The following PHF8 variants were observed in gnomAD, a reference collection of about 807,000 sequenced individuals.
The protein encoded by PHF8 is histone lysine demethylase PHF8.
PHF8 carries 9 observed loss-of-function variants against 74.4 expected under a neutral mutation model. The observed-to-expected ratio is 0.12, with a 90% CI of 0.07 to 0.21. The LOEUF is 0.21. Ranked by LOEUF, PHF8 falls within the 10% of genes least tolerant of loss-of-function variation. The pLI is 1.00. For synonymous variants in PHF8, 311 were observed against 316.6 expected (o/e 0.98, Z 0.19); for missense variants, 478 against 816.6 (o/e 0.59, Z 5.05).
chrX:53,966,492 CG>C lies in PHF8; in HGVS notation c.2444-3554del, dbSNP rs2065189767. Among the ~76,000 whole-genome samples, 5 of 112,904 alleles carry C rather than the reference CG, an allele frequency of 4.4e-5. No homozygotes were observed. The South Asian group carries it at 1.8e-3, about 41-fold the overall frequency. ...CGAGTGATCCGCCAGCCTCGGCCTC[CG>C]GAGGTGCCAGGATTGCAGACGGTGT... On this transcript the variant is annotated intron_variant, in intron 18 of 21. Coordinates refer to ENST00000338154, the MANE Select transcript of PHF8 (RefSeq NM_015107.3).
Position 53,940,179 on chromosome X carries a change from C to G in PHF8, c.2986+1G>C. ...GTTCTACAACCATATGGCCGTTGTACCTTGTCCTGCCTGATTGCTCTGGGA... is the reference window on the plus strand; with the variant it reads ...GTTCTACAACCATATGGCCGTTGTAGCTTGTCCTGCCTGATTGCTCTGGGA... On this transcript the variant is annotated splice_donor_variant, in intron 21 of 21. Transcript: ENST00000338154. LOFTEE classifies it high-confidence loss of function. The G allele has an allele frequency of 8.6e-7, 1 of 1,168,700 alleles. No individual in the cohort carries two copies. Among genetic ancestry groups the G allele is most frequent in the Non-Finnish European group, 1.1e-6 (1 of 870,494 alleles).
chrX:53,991,231 ATTAT>A (rs1310417028), intron 14 of PHF8, among the ~76,000 whole-genome samples: 3 of 112,503 alleles, frequency 2.7e-5, no homozygotes, highest in East Asian at 2.8e-4. Context: ...TTCTTTTAAA[ATTAT>A]TTAAAGAAAA....
At chrX:54,037,355 C>T (rs2066481707) in intron 2 of PHF8, among the ~76,000 whole-genome samples, 2 of 111,516 alleles carry the variant, frequency 1.8e-5, no homozygotes, top group Non-Finnish European at 3.8e-5. Flanking sequence ...TCAAGCAATC[C>T]TCCCACCTCA....
Position 54,014,471 on chromosome X carries a change from T to C in PHF8, c.689A>G (p.Asn230Ser), listed in dbSNP as rs1557107466. Residue 230 changes from asparagine to serine, a missense_variant, in exon 7 of 22, where the codon AAT becomes AGT. By Grantham distance (46) the Asn-to-Ser change is conservative. This residue lies in a region of PHF8 where 70 missense variants were observed against 234.1 expected (regional missense o/e 0.30). Coordinates refer to ENST00000338154, the MANE Select transcript of PHF8 (RefSeq NM_015107.3). ...WPEECVFERP[N>S]VQKYCLMSVR... ...ACTCATGAGGCAGTACTTCTGTACA[T>C]TGGGTCTCTCAAAGACACATTCCTC... 8.3e-6 allele frequency: 10 copies of C among 1,200,836 alleles called. No homozygotes were observed. Among genetic ancestry groups the C allele is most frequent in the African/African-American group, 3.5e-5 (2 of 56,758 alleles).
chrX:53,952,228 G>A lies in PHF8; in HGVS notation c.2540-7985C>T, dbSNP rs139198023. Among the ~76,000 whole-genome samples, 465 of 107,334 alleles carry A rather than the reference G, an allele frequency of 4.3e-3. 2 individuals are homozygous for A. Among genetic ancestry groups the A allele is most frequent in the Middle Eastern group, 0.029 (6 of 207 alleles). 93.2% of individuals were successfully genotyped at this position (107,334 alleles called of 115,157 possible). A position where few individuals can be genotyped will look rare whatever the true frequency, so the allele number is the denominator to read the frequency against. ...GAACCCGGGAGGCAGAGGTTATAAT[G>A]AGCTGAAATCATGCCATTGCACTCC... On this transcript the variant is annotated intron_variant, in intron 19 of 21. Transcript: ENST00000338154.
rs2064709782 is a variant in PHF8 at position 53,939,063 on chromosome X, C to T, written c.*95G>A. The T allele has an allele frequency of 8.6e-7, 1 of 1,158,171 alleles. No homozygotes were observed. The highest frequency in any genetic ancestry group is 1.8e-5 in the African/African-American group (1 of 55,732). On this transcript the variant is annotated 3_prime_UTR_variant, in exon 22 of 22. Transcript: ENST00000338154. ...AAAGCAGGACAATGCACCTCAGCAC[C>T]TTGTCCAGGGCAGATAGGATCCAGG... is the stretch of plus-strand genomic sequence containing the variant.
At chrX:54,046,955 C>T (rs1332296155), upstream of PHF8, among the ~76,000 whole-genome samples, 2 of 112,427 alleles carry the variant, frequency 1.8e-5, no homozygotes, top group African/African-American at 6.5e-5. Flanking sequence ...GCTCCAACAC[C>T]ACCTAATGCA....
chrX:53,969,995 A>C (rs1557094113), intron 18 of PHF8, among the ~76,000 whole-genome samples: 1 of 112,521 alleles, frequency 8.9e-6, no homozygotes, highest in African/African-American at 3.2e-5. Flanking sequence ...TAAAAGACTT[A>C]AATGTAAGAC....
At chrX:53,996,467 G>A (rs1464662893) in intron 11 of PHF8, among the ~76,000 whole-genome samples, 1 of 106,522 alleles carries the variant, frequency 9.4e-6, no homozygotes, top group Admixed American at 1.0e-4. Flanking sequence ...CTATCGTTAC[G>A]TATGGCCCAA....
In PHF8 at chrX:54,016,578, A is replaced by G. The variant is rs782208423; in HGVS notation, c.596+17T>C. 1.7e-6 allele frequency: 2 copies of G among 1,195,654 alleles called. No homozygotes were observed. On this transcript the variant is annotated intron_variant, in intron 6 of 21. Transcript: ENST00000338154. ...AGGCACTTTGTCAGGTTTTTTTGTTATTCCTGCACCTCTTACCTGGTATCA... is the reference window on the plus strand; with the variant it reads ...AGGCACTTTGTCAGGTTTTTTTGTTGTTCCTGCACCTCTTACCTGGTATCA...
intron 8 of PHF8, among the ~76,000 whole-genome samples, chrX:54,007,274 A>C (rs1452069761): frequency 2.7e-4 from 30 of 112,206 alleles, no homozygotes; most frequent in Non-Finnish European, 1.3e-4. Context: ...AAATGGATGA[A>C]AGATCTAAAT....
chrX:54,041,395 A>T (rs1349020321), intron 2 of PHF8, among the ~76,000 whole-genome samples: 2 of 109,014 alleles, frequency 1.8e-5, no homozygotes, highest in Non-Finnish European at 3.8e-5. Flanking sequence ...AAATAAAAAA[A>T]AAAAAAAAAG....
intron 18 of PHF8, among the ~76,000 whole-genome samples, chrX:53,967,675 G>A (rs1253384979): frequency 0.011 from 1,136 of 106,131 alleles, no homozygotes; most frequent in Middle Eastern, 0.015. Flanking sequence ...AATAGAAAGC[G>A]GGGAAAGGTG....
chrX:54,027,450 TCCAGAGGTGTTC>T (rs2066285006), intron 2 of PHF8, among the ~76,000 whole-genome samples: 1 of 111,448 alleles, frequency 9.0e-6, no homozygotes, highest in African/African-American at 3.3e-5. Context: ...CCTAGTAGTA[TCCAGAGGTGTTC>T]TATCAGAGCC....
chrX:53,944,247 C>G lies in PHF8; in HGVS notation c.2540-4G>C. ...GGCAGAGTTGGGGTCACGCGGGCTG[C>G]AAGGGAAACAGGATGAGAAGGTGTC... On this transcript the variant is annotated splice_polypyrimidine_tract_variant and splice_region_variant and intron_variant, in intron 19 of 21. Coordinates refer to ENST00000338154, the MANE Select transcript of PHF8 (RefSeq NM_015107.3). 1.7e-6 allele frequency: 2 copies of G among 1,178,443 alleles called. No homozygotes were observed. Among genetic ancestry groups the G allele is most frequent in the Non-Finnish European group, 2.3e-6 (2 of 865,847 alleles).
At chrX:54,041,276 C>T (rs1188456443) in intron 2 of PHF8, among the ~76,000 whole-genome samples, 4 of 107,649 alleles carry the variant, frequency 3.7e-5, no homozygotes, top group African/African-American at 1.4e-4. Context: ...CCCAGCTACT[C>T]GGGAGGCTGA....
chrX:54,018,209 T>C (rs1272941597), intron 4 of PHF8, among the ~76,000 whole-genome samples: 3 of 112,238 alleles, frequency 2.7e-5, no homozygotes, highest in African/African-American at 9.7e-5. Context: ...TACAACAACT[T>C]TCTCAACATG....
At chrX:54,026,163 G>A (rs1333256099) in intron 2 of PHF8, among the ~76,000 whole-genome samples, 1 of 110,458 alleles carries the variant, frequency 9.1e-6, no homozygotes, top group East Asian at 2.8e-4. Flanking sequence ...AGACCAGCCT[G>A]GTCAACATGG....
chrX:53,992,695 T>C (rs2065685110), intron 14 of PHF8, 41 bp downstream of exon 14: 3 of 812,039 alleles, frequency 3.7e-6, no homozygotes, highest in Non-Finnish European at 3.7e-6. Flanking sequence ...ATATTACCAC[T>C]GACAGTCCCA....
Sources: gnomAD v4.1 joint callset for allele counts (sites outside exome capture counted in the v4.1 genomes callset) on GRCh38, gnomAD v4.1.1 for gene constraint, gnomAD v4.1.1 regional missense constraint, MANE v1.5 for transcripts, NCBI Gene and HGNC (gene_info 2026-07-23, HGNC 2026-07-21) for gene names.